Variants in TRPM3 observed in about 807,000 individuals in gnomAD.
TRPM3 encodes transient receptor potential cation channel subfamily M member 3.
In TRPM3, 77 loss-of-function variants were observed where a neutral mutation model predicts 181.2. The observed-to-expected ratio is 0.42, with a 90% CI of 0.35 to 0.51. The LOEUF (loss-of-function observed/expected upper bound fraction) is 0.51, where lower values mean the gene tolerates loss of function less well. Among genes scored for constraint, TRPM3 ranks in the 20% least tolerant of loss-of-function variants. The probability of loss-of-function intolerance (pLI) is 0.01; values close to 1 mark genes in which losing one functional copy is unlikely to be tolerated. For missense variants in TRPM3, 1,759 were observed against 2,196.7 expected (o/e 0.80, Z 3.98); for synonymous variants, 745 against 796.4 (o/e 0.94, Z 1.09).
At chr9:71,277,031 T>C (rs1415873603) in intron 1 of TRPM3, among the ~76,000 whole-genome samples, 1 of 152,230 alleles carries the variant, frequency 6.6e-6, no homozygotes, top group Non-Finnish European at 1.5e-5. Context: ...TGATAAATGA[T>C]ATAATCAAGC....
At chr9:71,087,662 A>G (rs1210506203) in intron 1 of TRPM3, among the ~76,000 whole-genome samples, 1 of 152,020 alleles carries the variant, frequency 6.6e-6, no homozygotes, top group African/African-American at 2.4e-5. Flanking sequence ...ACTTGGCTTA[A>G]TAAGCTTTTG....
At chr9:70,864,538 A>G (rs1057356481) in intron 1 of TRPM3, 27 bp from the exon 2 acceptor site, 34 of 1,433,860 alleles carry the variant, frequency 2.4e-5, no homozygotes, top group South Asian at 4.6e-5. Context: ...AAAAAAAAAA[A>G]AAAGAAAAAA....
At chr9:70,858,041 A>T (rs2095430986) in intron 3 of TRPM3, among the ~76,000 whole-genome samples, 1 of 152,122 alleles carries the variant, frequency 6.6e-6, no homozygotes, top group Non-Finnish European at 1.5e-5. Context: ...TGTAATAATG[A>T]TTATGATTCT....
At chr9:71,347,055 G>C (rs564660008) in intron 1 of TRPM3, among the ~76,000 whole-genome samples, 3 of 152,282 alleles carry the variant, frequency 2.0e-5, no homozygotes, top group African/African-American at 4.8e-5. Context: ...TAATGAAAAG[G>C]TAAGTCATAT....
At chr9:70,775,445 TTTG>T (rs920664444) in intron 7 of TRPM3, 23 of 151,940 alleles carry the variant, frequency 1.5e-4, no homozygotes, top group African/African-American at 5.6e-4. Context: ...GAATGGAAGG[TTTG>T]TTGAGTGAGA....
At chr9:70,789,290 T>C (rs1315033483) in intron 6 of TRPM3, among the ~76,000 whole-genome samples, 1 of 152,234 alleles carries the variant, frequency 6.6e-6, no homozygotes, top group African/African-American at 2.4e-5. Context: ...GCTGGATTCA[T>C]AGGGCTCACT....
chr9:71,034,817 A>T (rs763086226), intron 1 of TRPM3, among the ~76,000 whole-genome samples: 1 of 151,886 alleles, frequency 6.6e-6, no homozygotes, highest in Non-Finnish European at 1.5e-5. Context: ...AATGCTTATC[A>T]ACACATCATT....
At chr9:70,830,337 C>A (rs1312603068) in intron 5 of TRPM3, among the ~76,000 whole-genome samples, 1 of 152,174 alleles carries the variant, frequency 6.6e-6, no homozygotes, top group Non-Finnish European at 1.5e-5. Context: ...ATTCTATATA[C>A]AGTATCTGTA....
chr9:70,886,283 G>T (rs768094352), intron 1 of TRPM3, among the ~76,000 whole-genome samples: 1 of 152,148 alleles, frequency 6.6e-6, no homozygotes, highest in Non-Finnish European at 1.5e-5. Context: ...TCTTTGAAAA[G>T]CACTGATTCA....
chr9:70,898,761 A>G lies in TRPM3; in HGVS notation c.178-34250T>C, dbSNP rs1428428494. ...AGACTTCATCTCAAAAAAAAAAAAA[A>G]AAAAAGAAAAGAAAAGAAAAGAAAA... On this transcript the variant is annotated intron_variant, in intron 1 of 25. Transcript: ENST00000677713. Among the ~76,000 whole-genome samples the G allele has an allele frequency of 2.0e-5, 3 of 148,948 alleles. No individual in the cohort carries two copies. The South Asian group carries it at 6.3e-4, about 31-fold the overall frequency.
intron 1 of TRPM3, among the ~76,000 whole-genome samples, chr9:71,176,338 C>T (rs750386108): frequency 6.6e-6 from 1 of 151,920 alleles, no homozygotes; most frequent in East Asian, 1.9e-4. Context: ...CAGGCCTAGG[C>T]TAATGTGTGT....
chr9:71,352,137 A>C (rs1178553735), intron 1 of TRPM3, among the ~76,000 whole-genome samples: 1 of 152,110 alleles, frequency 6.6e-6, no homozygotes, highest in Non-Finnish European at 1.5e-5. Flanking sequence ...AGCCTCCCAA[A>C]GTGGTGGGAT....
chr9:71,141,227 T>A (rs966869367), intron 1 of TRPM3, among the ~76,000 whole-genome samples: 1 of 152,208 alleles, frequency 6.6e-6, no homozygotes, highest in East Asian at 1.9e-4. Context: ...TAAGACTGCG[T>A]AACTTAATTT....
intron 1 of TRPM3, among the ~76,000 whole-genome samples, chr9:71,080,347 G>A (rs866014227): frequency 6.6e-6 from 1 of 152,114 alleles, no homozygotes; most frequent in East Asian, 1.9e-4. Flanking sequence ...TATAGCTTCC[G>A]TAAGCTCCCC....
intron 1 of TRPM3, among the ~76,000 whole-genome samples, chr9:71,009,459 A>G (rs754003403): frequency 2.0e-4 from 31 of 152,190 alleles, no homozygotes; most frequent in Non-Finnish European, 3.4e-4. Context: ...GAACTATCTG[A>G]AAAAAGTAAT....
intron 8 of TRPM3, among the ~76,000 whole-genome samples, chr9:70,742,978 A>G (rs1305621105): frequency 6.6e-6 from 1 of 152,184 alleles, no homozygotes; most frequent in African/African-American, 2.4e-5. Context: ...ACTATTTTTC[A>G]TTGTGGATTT....
In TRPM3 at chr9:70,553,279, A is replaced by G. The variant is rs140400038; in HGVS notation, c.3255T>C (p.Asp1085=). The change falls in exon 23 of 26, where the codon GAT becomes GAC. Residue 1085 remains aspartate (D), a synonymous_variant. Coordinates refer to ENST00000677713, the MANE Select transcript of TRPM3 (RefSeq NM_001366145.2). Reference sequence around the variant, plus strand: ...AGGGAGGCAGCTGGATTATTTTACCATCCTCTCGGGTCTCATTCTGTCCAC... The same window carrying G: ...AGGGAGGCAGCTGGATTATTTTACCGTCCTCTCGGGTCTCATTCTGTCCAC... ...PPCGQNETRE[D]GKIIQLPPCK... 22 of 1,613,970 alleles carry G rather than the reference A, an allele frequency of 1.4e-5. No homozygotes were observed. Among genetic ancestry groups the G allele is most frequent in the African/African-American group, 9.3e-5 (7 of 74,902 alleles).
intron 1 of TRPM3, among the ~76,000 whole-genome samples, chr9:71,033,495 C>T (rs907031698): frequency 2.0e-5 from 3 of 152,228 alleles, no homozygotes; most frequent in African/African-American, 7.2e-5. Context: ...CAAAACACTT[C>T]TAATAATAGA....
At chr9:70,907,549 T>G (rs541040259) in intron 1 of TRPM3, among the ~76,000 whole-genome samples, 1 of 152,314 alleles carries the variant, frequency 6.6e-6, no homozygotes, top group South Asian at 2.1e-4. Context: ...CTCAAATTTC[T>G]GTATGTATGT....
Sources: allele counts gnomAD v4.1 joint callset (sites outside exome capture counted in the v4.1 genomes callset), GRCh38; gene constraint gnomAD v4.1.1; transcripts MANE v1.5; gene names NCBI Gene and HGNC (gene_info 2026-07-23, HGNC 2026-07-21).